Variants in GLCE observed in about 807,000 individuals in gnomAD.
GLCE encodes the protein D-glucuronyl C5-epimerase.
GLCE carries 19 observed loss-of-function variants against 47.9 expected under a neutral mutation model. The observed-to-expected ratio is 0.40, with a 90% confidence interval of 0.28 to 0.58. GLCE has a LOEUF of 0.58. Ranked by LOEUF, GLCE falls within the 20% of genes least tolerant of loss-of-function variation. The pLI is 0.48. For synonymous variants in GLCE, 245 were observed against 263.4 expected (o/e 0.93, Z 0.68); for missense variants, 556 against 743.3 (o/e 0.75, Z 2.93).
At chr15:69,257,326 A>AT (rs1459125049) in intron 3 of GLCE, among the ~76,000 whole-genome samples, 1 of 151,880 alleles carries the variant, frequency 6.6e-6, no homozygotes, top group East Asian at 1.9e-4. Flanking sequence ...ACTTAGATAA[A>AT]TTTTTTATAA....
Position 69,270,900 on chromosome 15 carries a change from G to C in GLCE, c.*1656G>C, listed in dbSNP as rs1396727110. 3 of 152,114 alleles carry C rather than the reference G, an allele frequency of 2.0e-5. No individual in the cohort carries two copies. Among genetic ancestry groups the C allele is most frequent in the Non-Finnish European group, 2.9e-5 (2 of 68,018 alleles). The allele number at this position is 152,114 out of a possible 1,614,324, so 9.4% of individuals were successfully genotyped here. On this transcript the variant is annotated 3_prime_UTR_variant, in exon 5 of 5. Transcript: ENST00000261858. ...GTTATTAGGCTTACCCCTAGCTTTT[G>C]ACCTTTGCATTTCATATATGTTAGA...
At chr15:69,218,128 G>A (rs1256478207) in intron 2 of GLCE, among the ~76,000 whole-genome samples, 1 of 148,198 alleles carries the variant, frequency 6.7e-6, no homozygotes, top group Non-Finnish European at 1.5e-5. Flanking sequence ...CTCCATCCTG[G>A]GTGACAGAGC....
At chr15:69,255,140 A>G (rs1289448684) in intron 2 of GLCE, among the ~76,000 whole-genome samples, 2 of 152,156 alleles carry the variant, frequency 1.3e-5, no homozygotes, top group African/African-American at 2.4e-5. Context: ...AGCAACATGG[A>G]TGTTGGTGTT....
chr15:69,250,171 C>T (rs148935381), intron 2 of GLCE, among the ~76,000 whole-genome samples: 1 of 152,234 alleles, frequency 6.6e-6, no homozygotes, highest in Non-Finnish European at 1.5e-5. Context: ...TAGGAAGCCT[C>T]TCACCACTCA....
At chr15:69,218,471 G>C (rs964079885) in intron 2 of GLCE, among the ~76,000 whole-genome samples, 3 of 152,134 alleles carry the variant, frequency 2.0e-5, no homozygotes, top group African/African-American at 7.2e-5. Flanking sequence ...CCAAGATCAA[G>C]CCACTGGAGT....
intron 2 of GLCE, among the ~76,000 whole-genome samples, chr15:69,238,610 G>C (rs2140415185): frequency 6.6e-6 from 1 of 152,232 alleles, no homozygotes; most frequent in East Asian, 1.9e-4. Context: ...GTTTTATTAA[G>C]GTTTGAGGAT....
At chr15:69,241,947 C>T (rs776625864) in intron 2 of GLCE, among the ~76,000 whole-genome samples, 10 of 152,196 alleles carry the variant, frequency 6.6e-5, no homozygotes, top group Non-Finnish European at 1.3e-4. Flanking sequence ...TTGGAAATCA[C>T]TGGTCTGATA....
rs372300930 is a variant in GLCE at position 69,226,997 on chromosome 15, G to A, written c.-14+16591G>A. The stretch of plus-strand genomic sequence containing the variant: ...TGACCTCAGATGATCCACCTGCCTC[G>A]GCCTCCCAAAGTGCTGGAATTACAG... On this transcript the variant is annotated intron_variant, in intron 2 of 4. Transcript: ENST00000261858. 9.2e-5 allele frequency among the ~76,000 whole-genome samples: 14 copies of A among 151,930 alleles called. No homozygotes were observed. The East Asian group carries it at 1.4e-3, about 15-fold the overall frequency.
In GLCE at chr15:69,163,290, T is replaced by A. The variant is rs141293797; in HGVS notation, c.-105+2533T>A. On this transcript the variant is annotated intron_variant, in intron 1 of 4. Transcript: ENST00000261858. ...TGATAAGTCAACACATATTTGATTA[T>A]CTGCTAGGTGTCACAGCGCTGGATG... Among the ~76,000 whole-genome samples, 57 of 152,334 alleles carry A rather than the reference T, an allele frequency of 3.7e-4. No individual in the cohort carries two copies. The East Asian group carries it at 8.9e-3, about 24-fold the overall frequency.
chr15:69,267,973 T>C (rs566077176), intron 4 of GLCE, among the ~76,000 whole-genome samples: 20 of 152,284 alleles, frequency 1.3e-4, no homozygotes, highest in Admixed American at 1.2e-3. Context: ...AATCCTCTGC[T>C]AGAACCTAGA....
In GLCE at chr15:69,269,385, C is replaced by T. The variant is rs2053133729; in HGVS notation, c.*141C>T. ...TCAAAGTGATAAGTGATCCTTAAAA[C>T]CAGCCTTCTAAAATAATTGCATTCC... On this transcript the variant is annotated 3_prime_UTR_variant, in exon 5 of 5. Transcript: ENST00000261858. The T allele has an allele frequency of 1.5e-6, 1 of 670,182 alleles. No homozygotes were observed. Among genetic ancestry groups the T allele is most frequent in the East Asian group, 2.6e-5 (1 of 38,190 alleles). 41.5% of individuals were successfully genotyped at this position (670,182 alleles called of 1,614,324 possible).
At chr15:69,203,058 CTTT>C (rs1416265255) in intron 1 of GLCE, among the ~76,000 whole-genome samples, 1 of 152,090 alleles carries the variant, frequency 6.6e-6, no homozygotes, top group East Asian at 1.9e-4. Context: ...GTAGTAGCTA[CTTT>C]TATAGAGATA....
intron 2 of GLCE, among the ~76,000 whole-genome samples, chr15:69,230,519 G>C (rs1354625971): frequency 6.6e-6 from 1 of 152,166 alleles, no homozygotes; most frequent in African/African-American, 2.4e-5. Context: ...AATTGATTCA[G>C]TTGAACTGTA....
chr15:69,207,386 C>T (rs1426012573), intron 1 of GLCE, among the ~76,000 whole-genome samples: 1 of 152,046 alleles, frequency 6.6e-6, no homozygotes. Context: ...TAAAAAATTT[C>T]TCCATGCATC....
chr15:69,232,035 T>C (rs1331856694), intron 2 of GLCE, among the ~76,000 whole-genome samples: 15 of 151,314 alleles, frequency 9.9e-5, no homozygotes, highest in Admixed American at 9.8e-4. Context: ...TTGTGATCCA[T>C]CTGCCTCGGC....
At chr15:69,257,133 A>G (rs1294974430) in intron 3 of GLCE, among the ~76,000 whole-genome samples, 1 of 152,162 alleles carries the variant, frequency 6.6e-6, no homozygotes, top group Non-Finnish European at 1.5e-5. Flanking sequence ...CTAACTAAAT[A>G]TATATTTTTT....
rs759755304 is a variant in GLCE at position 69,256,085 on chromosome 15, C to T, written c.279C>T (p.Ser93=). 5.0e-6 allele frequency: 8 copies of T among 1,614,050 alleles called. No individual in the cohort carries two copies. The South Asian group carries it at 5.5e-5, about 11-fold the overall frequency. Residue 93 remains serine (S), a synonymous_variant, in exon 3 of 5, where the codon AGC becomes AGT. Transcript: ENST00000261858. ...KAPPVVGGFN[S]NVGSKVLGLK... ...CCCCTGTTGTTGGGGGCTTCAATAG[C>T]AATGTGGGAAGTAAGGTGTTAGGGC...
At chr15:69,174,429 G>A (rs895469520) in intron 1 of GLCE, among the ~76,000 whole-genome samples, 1 of 152,052 alleles carries the variant, frequency 6.6e-6, no homozygotes, top group African/African-American at 2.4e-5. Flanking sequence ...GGCCTACATG[G>A]TGAAACCCCG....
At chr15:69,215,309 T>C (rs139890780) in intron 2 of GLCE, among the ~76,000 whole-genome samples, 2 of 152,336 alleles carry the variant, frequency 1.3e-5, no homozygotes, top group Non-Finnish European at 2.9e-5. Context: ...GAGTATCATA[T>C]ACATGGAATC....
Sources: gnomAD v4.1 joint callset for allele counts (sites outside exome capture counted in the v4.1 genomes callset) on GRCh38, gnomAD v4.1.1 for gene constraint, MANE v1.5 for transcripts, NCBI Gene and HGNC (gene_info 2026-07-23, HGNC 2026-07-21) for gene names.